TRIO: variants seen among roughly 807,000 people sequenced by gnomAD.
The protein encoded by TRIO is trio Rho guanine nucleotide exchange factor.
A neutral mutation model predicts 351.9 loss-of-function variants in TRIO; 58 were observed. That is an observed-to-expected ratio of 0.16 (90% CI 0.13 to 0.21). The LOEUF is 0.21. TRIO is among the 10% of genes least tolerant of loss of function. The pLI is 1.00. For missense variants in TRIO, 3,201 were observed against 4,027.8 expected, an observed-to-expected ratio of 0.79 and a Z score of 5.56; for synonymous variants, 1,758 against 1,595.7, an observed-to-expected ratio of 1.10 and a Z score of -2.42.
intron 9 of TRIO, among the ~76,000 whole-genome samples, chr5:14,319,965 C>T (rs995455734): frequency 3.3e-5 from 5 of 152,210 alleles, no homozygotes; most frequent in Non-Finnish European, 5.9e-5. Flanking sequence ...GTTGAAGCTG[C>T]TGTGTGTAGC....
intron 1 of TRIO, among the ~76,000 whole-genome samples, chr5:14,269,621 C>T (rs1399605341): frequency 1.3e-5 from 2 of 152,222 alleles, no homozygotes; most frequent in East Asian, 1.9e-4. Flanking sequence ...TTTCCTTTTC[C>T]AGGTGTCTCT....
At chr5:14,345,105 CA>C (rs761505947) in intron 11 of TRIO, among the ~76,000 whole-genome samples, 16 of 152,218 alleles carry the variant, frequency 1.1e-4, no homozygotes, top group Non-Finnish European at 1.6e-4. Flanking sequence ...TAAAACGCTA[CA>C]TTTTTTTTCT....
intron 34 of TRIO, among the ~76,000 whole-genome samples, chr5:14,446,599 G>A (rs545374932): frequency 7.9e-5 from 12 of 152,212 alleles, no homozygotes; most frequent in South Asian, 6.2e-4. Context: ...TGGTACCTGT[G>A]GGGTGCATGC....
chr5:14,343,549 A>T, intron 11 of TRIO, among the ~76,000 whole-genome samples: 1 of 152,126 alleles, frequency 6.6e-6, no homozygotes, highest in East Asian at 1.9e-4. Flanking sequence ...ACTCAGCACA[A>T]TTCCTTTGAC....
Position 14,159,750 on chromosome 5 carries a change from A to G in TRIO, c.157+15868A>G, listed in dbSNP as rs1030494705. Among the ~76,000 whole-genome samples the G allele has an allele frequency of 6.8e-4, 104 of 152,144 alleles. No homozygotes were observed. The Middle Eastern group carries it at 0.017, about 25-fold the overall frequency. ...GCTCATTTATTTTTGCATTTTTAGT[A>G]GAGACAGGGTTTTACCATGTTTGCC... is the stretch of plus-strand genomic sequence containing the variant. On this transcript the variant is annotated intron_variant, in intron 1 of 56. Coordinates refer to ENST00000344204, the MANE Select transcript of TRIO (RefSeq NM_007118.4).
At chr5:14,388,456 C>CG (rs975221063) in intron 23 of TRIO, among the ~76,000 whole-genome samples, 157 bp from the exon 24 acceptor site, 1 of 152,118 alleles carries the variant, frequency 6.6e-6, no homozygotes, top group Non-Finnish European at 1.5e-5. Flanking sequence ...TTTGAATTAG[C>CG]GGGTGGATAC....
intron 33 of TRIO, among the ~76,000 whole-genome samples, chr5:14,411,589 CAT>C (rs1749210740): frequency 6.6e-6 from 1 of 152,128 alleles, no homozygotes; most frequent in Non-Finnish European, 1.5e-5. Context: ...TATTTAAAAA[CAT>C]AACTGGTTTC....
At chr5:14,262,075 G>A (rs1795383189) in intron 1 of TRIO, among the ~76,000 whole-genome samples, 1 of 152,224 alleles carries the variant, frequency 6.6e-6, no homozygotes, top group Non-Finnish European at 1.5e-5. Flanking sequence ...GGTTTAACTA[G>A]CTGGGTGTTA....
At chr5:14,266,605 A>G (rs1795693178) in intron 1 of TRIO, among the ~76,000 whole-genome samples, 2 of 152,214 alleles carry the variant, frequency 1.3e-5, no homozygotes, top group Non-Finnish European at 2.9e-5. Context: ...AATTTTGGCA[A>G]GTAGTATGCT....
intron 11 of TRIO, among the ~76,000 whole-genome samples, chr5:14,339,435 A>G (rs1190663303): frequency 1.3e-5 from 2 of 152,258 alleles, no homozygotes; most frequent in African/African-American, 4.8e-5. Flanking sequence ...AGGAATTTCT[A>G]GTATGTATGA....
chr5:14,230,640 C>A (rs1337497567), intron 1 of TRIO, among the ~76,000 whole-genome samples: 1 of 152,044 alleles, frequency 6.6e-6, no homozygotes, highest in African/African-American at 2.4e-5. Context: ...TTCTCATATA[C>A]ATATATATTC....
chr5:14,374,403 G>T, intron 19 of TRIO, 60 bp downstream of exon 19: 1 of 1,319,944 alleles, frequency 7.6e-7, no homozygotes, highest in Non-Finnish European at 1.1e-6. Context: ...GAGACAAAAG[G>T]AGCCTGCACG....
At chr5:14,333,822 G>GCCTTA (rs1407649382) in intron 10 of TRIO, among the ~76,000 whole-genome samples, 1 of 152,132 alleles carries the variant, frequency 6.6e-6, no homozygotes, top group Non-Finnish European at 1.5e-5. Context: ...CCCTGGCCTG[G>GCCTTA]CCTTACCTTA....
intron 21 of TRIO, among the ~76,000 whole-genome samples, chr5:14,383,510 A>G (rs1214790734): frequency 2.6e-5 from 4 of 152,172 alleles, no homozygotes; most frequent in South Asian, 2.1e-4. Flanking sequence ...CTCAAGTTTG[A>G]TGTGTGGTTA....
intron 1 of TRIO, among the ~76,000 whole-genome samples, chr5:14,148,870 A>G (rs1320850386): frequency 3.9e-5 from 6 of 152,258 alleles, no homozygotes; most frequent in African/African-American, 1.2e-4. Flanking sequence ...GGCTGCAGGG[A>G]CCAGGCTGGG....
chr5:14,313,806 C>T (rs544540474), intron 8 of TRIO, among the ~76,000 whole-genome samples: 3 of 152,234 alleles, frequency 2.0e-5, no homozygotes, highest in Non-Finnish European at 4.4e-5. Flanking sequence ...GATGAGCATA[C>T]CTGCCAGCTT....
At chr5:14,265,830 G>A (rs1795638882) in intron 1 of TRIO, among the ~76,000 whole-genome samples, 1 of 152,172 alleles carries the variant, frequency 6.6e-6, no homozygotes, top group Non-Finnish European at 1.5e-5. Context: ...ATGATAACTT[G>A]CAGAATATTC....
At position 14,469,895 on chromosome 5, in the gene TRIO, C is replaced by G. The variant is rs545403660; in HGVS notation, c.5764-1423C>G. ...CATCTGGAGCCTTTCTCTTTCTTTT[C>G]TTTGTTTTTTCTCACTGTTCAAATG... is the stretch of plus-strand genomic sequence containing the variant. On this transcript the variant is annotated intron_variant, in intron 37 of 56. Transcript: ENST00000344204. 1.1e-4 allele frequency among the ~76,000 whole-genome samples: 16 copies of G among 152,316 alleles called. 1 individual carries two copies. Among genetic ancestry groups the G allele is most frequent in the African/African-American group, 3.4e-4 (14 of 41,560 alleles).
intron 1 of TRIO, among the ~76,000 whole-genome samples, chr5:14,162,040 C>T (rs534737602): frequency 6.6e-6 from 1 of 152,204 alleles, no homozygotes; most frequent in South Asian, 2.1e-4. Context: ...TTTAGACGCA[C>T]AGCTAGGGTT....
Sources: gnomAD v4.1 joint callset for allele counts (sites outside exome capture counted in the v4.1 genomes callset) on GRCh38, gnomAD v4.1.1 for gene constraint, MANE v1.5 for transcripts, NCBI Gene and HGNC (gene_info 2026-07-23, HGNC 2026-07-21) for gene names.